The following LAMTOR3 variants were observed in gnomAD, a reference collection of about 807,000 sequenced individuals.
LAMTOR3 encodes late endosomal/lysosomal adaptor, MAPK and MTOR activator 3, also known as ragulator complex protein LAMTOR3.
A neutral mutation model predicts 20.3 loss-of-function variants in LAMTOR3; 14 were observed. The ratio of observed to expected loss-of-function variants is 0.69; its 90% CI spans 0.46 to 1.08. The LOEUF is 1.08. LAMTOR3 is among the 50% of genes least tolerant of loss of function. LAMTOR3 has a pLI of 0.00. For synonymous variants in LAMTOR3, 40 were observed against 49.4 expected, an observed-to-expected ratio of 0.81 and a Z score of 0.80; for missense variants, 125 against 143.7, an observed-to-expected ratio of 0.87 and a Z score of 0.67.
chr4:99,886,396 A>T (rs1279240677), intron 4 of LAMTOR3, among the ~76,000 whole-genome samples: 3 of 152,242 alleles, frequency 2.0e-5, no homozygotes, highest in Non-Finnish European at 4.4e-5. Flanking sequence ...GCAATGTCCG[A>T]AGATTATAAA....
rs535451793 is a variant in LAMTOR3 at position 99,880,795 on chromosome 4, A to G, written c.*1199T>C. ...TGACTGGCACACAGGTGCTCAATGCATATGTACTGAACTGATCCAGGGAAA... is the reference window on the plus strand; with the variant it reads ...TGACTGGCACACAGGTGCTCAATGCGTATGTACTGAACTGATCCAGGGAAA... On this transcript the variant is annotated 3_prime_UTR_variant, in exon 7 of 7. Coordinates refer to ENST00000499666, the MANE Select transcript of LAMTOR3 (RefSeq NM_021970.4). The G allele has an allele frequency of 6.6e-6, 1 of 152,384 alleles. No homozygotes were observed. Among genetic ancestry groups the G allele is most frequent in the Admixed American group, 6.5e-5 (1 of 15,294 alleles). 9.4% of individuals were successfully genotyped at this position (152,384 alleles called of 1,614,324 possible).
intron 4 of LAMTOR3, among the ~76,000 whole-genome samples, chr4:99,886,408 C>T (rs1724926247): frequency 6.6e-6 from 1 of 152,234 alleles, no homozygotes; most frequent in Non-Finnish European, 1.5e-5. Flanking sequence ...GATTATAAAC[C>T]ACAGGACCTC....
At chr4:99,888,819 A>G (rs1470575946) in intron 3 of LAMTOR3, among the ~76,000 whole-genome samples, 1 of 152,222 alleles carries the variant, frequency 6.6e-6, no homozygotes, top group Non-Finnish European at 1.5e-5. Context: ...TTTATAAATG[A>G]CTTTTATACT....
At chr4:99,891,838 T>C (rs1725028454) in intron 3 of LAMTOR3, among the ~76,000 whole-genome samples, 162 bp downstream of exon 3, 1 of 152,000 alleles carries the variant, frequency 6.6e-6, no homozygotes. Context: ...AGGAAAGCGG[T>C]TGTGACGAAA....
intron 3 of LAMTOR3, among the ~76,000 whole-genome samples, chr4:99,890,261 A>G (rs1403297351): frequency 6.6e-6 from 1 of 152,210 alleles, no homozygotes; most frequent in South Asian, 2.1e-4. Flanking sequence ...TAAAACATAC[A>G]AAGTGGGATT....
Position 99,880,004 on chromosome 4 carries a change from C to T in LAMTOR3, c.*1990G>A, listed in dbSNP as rs893444255. Reference sequence around the variant, plus strand: ...TATATGGTATAGCCTGCTGTTCTGACCACCCTCGTATGTGGTCCTTCACTA... The same window carrying T: ...TATATGGTATAGCCTGCTGTTCTGATCACCCTCGTATGTGGTCCTTCACTA... On this transcript the variant is annotated 3_prime_UTR_variant, in exon 7 of 7. Coordinates refer to ENST00000499666, the MANE Select transcript of LAMTOR3 (RefSeq NM_021970.4). The T allele has an allele frequency of 1.5e-4, 21 of 136,492 alleles. No individual in the cohort carries two copies. Among genetic ancestry groups the T allele is most frequent in the African/African-American group, 6.0e-4 (21 of 34,784 alleles). 8.5% of individuals were successfully genotyped at this position (136,492 alleles called of 1,614,324 possible).
chr4:99,892,323 C>T (rs1725037048), intron 2 of LAMTOR3, among the ~76,000 whole-genome samples: 1 of 152,184 alleles, frequency 6.6e-6, no homozygotes, highest in Admixed American at 6.5e-5. Context: ...GATTAGCATA[C>T]CTAGAAATGG....
chr4:99,890,682 T>C (rs1369613679), intron 3 of LAMTOR3, among the ~76,000 whole-genome samples: 1 of 152,164 alleles, frequency 6.6e-6, no homozygotes, highest in Non-Finnish European at 1.5e-5. Flanking sequence ...AAGATTTTCA[T>C]AAAGCTTTTA....
chr4:99,889,464 A>C lies in LAMTOR3; in HGVS notation c.45-2110T>G, dbSNP rs112218803. On this transcript the variant is annotated intron_variant, in intron 3 of 6. Transcript: ENST00000499666. ...AGAGGAAGTTCTCTATGTACCAGGA[A>C]AGATTACTCTCAAAGTTACATTCTT... 3.2e-3 allele frequency among the ~76,000 whole-genome samples: 492 copies of C among 152,320 alleles called. 6 individuals carry two copies. Among genetic ancestry groups the C allele is most frequent in the African/African-American group, 0.011 (475 of 41,568 alleles).
Position 99,881,949 on chromosome 4 carries a change from T to A in LAMTOR3, c.*45A>T, listed in dbSNP as rs748691947. On this transcript the variant is annotated 3_prime_UTR_variant, in exon 7 of 7. Transcript: ENST00000499666. ...TCTAAAGATTGCTGGATTGATATTG[T>A]GTTGTTATAATGAAGATAAGGTACA... The A allele has an allele frequency of 8.0e-7, 1 of 1,247,826 alleles. No homozygotes were observed. The highest frequency in any genetic ancestry group is 2.3e-5 in the East Asian group (1 of 42,782). 77.3% of individuals were successfully genotyped at this position (1,247,826 alleles called of 1,614,324 possible). A position where few individuals can be genotyped will look rare whatever the true frequency, so the allele number is the denominator to read the frequency against.
intron 2 of LAMTOR3, among the ~76,000 whole-genome samples, chr4:99,892,913 C>A (rs1725049152): frequency 1.3e-5 from 2 of 152,302 alleles, no homozygotes; most frequent in Admixed American, 1.3e-4. Flanking sequence ...CTCCTGACCT[C>A]AGGTGATCCA....
rs116715002 is a variant in LAMTOR3, at chr4:99,886,072, A to G, written c.104-397T>C. Among the ~76,000 whole-genome samples the G allele has an allele frequency of 3.3e-3, 502 of 152,338 alleles. 4 individuals carry two copies. Among genetic ancestry groups the G allele is most frequent in the African/African-American group, 0.011 (478 of 41,584 alleles). On this transcript the variant is annotated intron_variant, in intron 4 of 6. Coordinates refer to ENST00000499666, the MANE Select transcript of LAMTOR3 (RefSeq NM_021970.4). The stretch of plus-strand genomic sequence containing the variant: ...CCCACAGCAGCAGTATCTCTCATAG[A>G]TATTAACAATCTGCAGCTGGTTACC...
At chr4:99,886,957 G>A (rs1046007605) in intron 4 of LAMTOR3, among the ~76,000 whole-genome samples, 3 of 140,882 alleles carry the variant, frequency 2.1e-5, no homozygotes, top group Non-Finnish European at 4.7e-5. Flanking sequence ...TATAGTAGGG[G>A]TGTCTGTGTG....
At chr4:99,885,440 CA>C in intron 5 of LAMTOR3, 101 bp downstream of exon 5, 1 of 1,067,378 alleles carries the variant, frequency 9.4e-7, no homozygotes, top group Non-Finnish European at 1.3e-6. Context: ...TCATCCTCTT[CA>C]AAACTAAAAT....
rs1480679911 is a variant in LAMTOR3 at position 99,880,247 on chromosome 4, CA to C, written c.*1746del. On this transcript the variant is annotated 3_prime_UTR_variant, in exon 7 of 7. Coordinates refer to ENST00000499666, the MANE Select transcript of LAMTOR3 (RefSeq NM_021970.4). ...CTAAGTTCTTTAAAGTAAGGTATCA[CA>C]AATTAATCTCATATTTACACTGAAG... 2.6e-5 allele frequency: 4 copies of C among 152,036 alleles called. No homozygotes were observed. Among genetic ancestry groups the C allele is most frequent in the Non-Finnish European group, 5.9e-5 (4 of 68,026 alleles). The allele number at this position is 152,036 out of a possible 1,614,324, so 9.4% of individuals were successfully genotyped here. A position where few individuals can be genotyped will look rare whatever the true frequency, so the allele number is the denominator to read the frequency against.
intron 5 of LAMTOR3, 29 bp downstream of exon 5, chr4:99,885,513 A>T (rs990194450): frequency 1.5e-5 from 23 of 1,558,146 alleles, no homozygotes; most frequent in Non-Finnish European, 2.0e-5. Context: ...AACTGAAATC[A>T]GCAAATCATT....
chr4:99,878,672 A>ATTAT lies in LAMTOR3; in HGVS notation c.*3318_*3321dup, dbSNP rs1724758163. On this transcript the variant is annotated 3_prime_UTR_variant, in exon 7 of 7. Coordinates refer to ENST00000499666, the MANE Select transcript of LAMTOR3 (RefSeq NM_021970.4). ...TGACACCATGCTTTTCTCAATAAACATTATTATGCCTTAGAGATCTTTTCA... is the reference window on the plus strand; with the variant it reads ...TGACACCATGCTTTTCTCAATAAACATTATTTATTATGCCTTAGAGATCTTTTCA... 6.6e-6 allele frequency: 1 copy of ATTAT among 152,224 alleles called. No homozygotes were observed. The highest frequency in any genetic ancestry group is 1.5e-5 in the Non-Finnish European group (1 of 68,036). The allele number at this position is 152,224 out of a possible 1,614,324, so 9.4% of individuals were successfully genotyped here.
rs947144223 is a variant in LAMTOR3, at chr4:99,879,159, T to A, written c.*2835A>T. 5.3e-5 allele frequency: 8 copies of A among 152,224 alleles called. No individual in the cohort carries two copies. The highest frequency in any genetic ancestry group is 1.3e-4 in the Admixed American group (2 of 15,280). 9.4% of individuals were successfully genotyped at this position (152,224 alleles called of 1,614,324 possible). A position where few individuals can be genotyped will look rare whatever the true frequency, so the allele number is the denominator to read the frequency against. On this transcript the variant is annotated 3_prime_UTR_variant, in exon 7 of 7. Coordinates refer to ENST00000499666, the MANE Select transcript of LAMTOR3 (RefSeq NM_021970.4). ...TTTTCCCATTGTGATCCCGTCTTTA[T>A]AACAATGTTTTAAGCCCTCACATGT...
chr4:99,882,494 T>C (rs889756950), intron 6 of LAMTOR3, among the ~76,000 whole-genome samples: 1 of 152,146 alleles, frequency 6.6e-6, no homozygotes, highest in Admixed American at 6.5e-5. Flanking sequence ...CAGCATCTAT[T>C]ACTAAAGTGA....
Sources: gnomAD v4.1 joint callset for allele counts (sites outside exome capture counted in the v4.1 genomes callset) on GRCh38, gnomAD v4.1.1 for gene constraint, MANE v1.5 for transcripts, NCBI Gene and HGNC (gene_info 2026-07-23, HGNC 2026-07-21) for gene names.